The following TSC2 variants were observed in gnomAD, a reference collection of about 807,000 sequenced individuals.
TSC2 encodes tuberin.
Under a neutral mutation model 202.2 loss-of-function variants are expected in TSC2, and 29 were observed. The ratio of observed to expected loss-of-function variants is 0.14; its 90% confidence interval spans 0.11 to 0.20. The LOEUF is 0.20. TSC2 is among the 10% of genes least tolerant of loss of function. The pLI, the probability that TSC2 is intolerant of heterozygous loss-of-function variation, is 1.00. For missense variants in TSC2, 2,429 were observed against 2,420.0 expected (o/e 1.00, Z -0.08); for synonymous variants, 1,349 against 1,044.0 (o/e 1.29, Z -5.63).
rs2090350692 is a variant in TSC2 at position 2,083,247 on chromosome 16, G to A, written c.3884-448G>A. 5 of 461,956 alleles carry A rather than the reference G, an allele frequency of 1.1e-5. No homozygotes were observed. In the Middle Eastern group the frequency reaches 1.6e-3, roughly 149 times the overall value. 28.6% of individuals were successfully genotyped at this position (461,956 alleles called of 1,614,324 possible). ...TCCCCAGCTGTGGGTCTGGCTTGGA[G>A]TTGGAGGGTGAGCCTCTGCTCTTGG... On this transcript the variant is annotated intron_variant, in intron 32 of 41. Coordinates refer to ENST00000219476, the MANE Select transcript of TSC2 (RefSeq NM_000548.5).
In TSC2 at chr16:2,088,398, G is replaced by A. The variant is rs550230895; in HGVS notation, c.5260-48G>A. ...TGTGGGGCGGGTGTGTGGGCAGAGC[G>A]GTTGCCACGCCTCCCAGACTTACTG... On this transcript the variant is annotated intron_variant, in intron 41 of 41. Transcript: ENST00000219476. 7.5e-5 allele frequency: 121 copies of A among 1,612,496 alleles called. No individual in the cohort carries two copies. In the South Asian group the frequency reaches 9.1e-4, roughly 12 times the overall value.
chr16:2,068,165 G>C (rs2087667030), intron 16 of TSC2, among the ~76,000 whole-genome samples: 1 of 152,104 alleles, frequency 6.6e-6, no homozygotes, highest in Admixed American at 6.6e-5. Context: ...TCAGCCTCCT[G>C]AGTAGCTGAG....
chr16:2,064,668 G>A lies in TSC2; in HGVS notation c.1599+241G>A, dbSNP rs1352764678. ...TCACACTCTGGGACAGCTGGGCTGGGCCTCCTGGACCGACGCTGGAGCCCA... is the reference window on the plus strand; with the variant it reads ...TCACACTCTGGGACAGCTGGGCTGGACCTCCTGGACCGACGCTGGAGCCCA... On this transcript the variant is annotated intron_variant, in intron 15 of 41. Transcript: ENST00000219476. 7.9e-6 allele frequency: 5 copies of A among 634,244 alleles called. No homozygotes were observed. In the East Asian group the frequency reaches 8.8e-5, roughly 11 times the overall value. 39.3% of individuals were successfully genotyped at this position (634,244 alleles called of 1,614,324 possible).
rs397515087 is a variant in TSC2, at chr16:2,079,380, C to T, written c.3236C>T (p.Ser1079Leu). Residue 1079 changes from serine to leucine, a missense_variant, in exon 28 of 42, where the codon TCG becomes TTG. Transcript: ENST00000219476. This position sits in a 1 kb window ranked among gnomAD's most constrained non-coding sequence, Gnocchi z 4.6. ...ACAAGCGTGGGAACCGGGACCCGGTCGTTACTAGGCCTGGACTCGGGGGAG... is the reference window on the plus strand; with the variant it reads ...ACAAGCGTGGGAACCGGGACCCGGTTGTTACTAGGCCTGGACTCGGGGGAG... ...VTTSVGTGTR[S>L]LLGLDSGELQ... 5 of 1,612,872 alleles carry T rather than the reference C, an allele frequency of 3.1e-6. No individual in the cohort carries two copies. The highest frequency in any genetic ancestry group is 3.4e-6 in the Non-Finnish European group (4 of 1,180,016).
In TSC2 at chr16:2,073,351, C is replaced by T. The variant is rs1014624975; in HGVS notation, c.2355+368C>T. Among the ~76,000 whole-genome samples, 8 of 152,254 alleles carry T rather than the reference C, an allele frequency of 5.3e-5. 1 individual carries two copies. The highest frequency in any genetic ancestry group is 5.2e-4 in the Admixed American group (8 of 15,290). On this transcript the variant is annotated intron_variant, in intron 21 of 41. Coordinates refer to ENST00000219476, the MANE Select transcript of TSC2 (RefSeq NM_000548.5). ...GCAGGCCAGAGAGTCTGGCTTCTGC[C>T]TCCCTCCACGCCCCATCAGGTGCCG...
chr16:2,056,966 T>TG, intron 8 of TSC2, 139 bp from the exon 9 acceptor site: 1 of 1,369,068 alleles, frequency 7.3e-7, no homozygotes, highest in South Asian at 1.2e-5. Context: ...CTGCTGCCTC[T>TG]GTCTTTGGGA....
intron 16 of TSC2, among the ~76,000 whole-genome samples, chr16:2,068,034 C>T (rs1273272117): frequency 6.6e-6 from 1 of 152,096 alleles, no homozygotes; most frequent in Non-Finnish European, 1.5e-5. Context: ...GTTCTGGCTG[C>T]TTTCATTTCT....
Position 2,048,080 on chromosome 16 carries a change from C to G in TSC2, c.-30+15C>G. 1 of 1,428,138 alleles carries G rather than the reference C, an allele frequency of 7.0e-7. No individual in the cohort carries two copies. Among genetic ancestry groups the G allele is most frequent in the Middle Eastern group, 2.2e-4 (1 of 4,478 alleles). 88.5% of individuals were successfully genotyped at this position (1,428,138 alleles called of 1,614,324 possible). A position where few individuals can be genotyped will look rare whatever the true frequency, so the allele number is the denominator to read the frequency against. On this transcript the variant is annotated intron_variant, in intron 1 of 41. Coordinates refer to ENST00000219476, the MANE Select transcript of TSC2 (RefSeq NM_000548.5). Reference sequence around the variant, plus strand: ...CGCGGCGCGGGGTAAGTGGCGGTCCCCACGGGGCAAGTGGCGGTCCCCACG... The same window carrying G: ...CGCGGCGCGGGGTAAGTGGCGGTCCGCACGGGGCAAGTGGCGGTCCCCACG...
intron 25 of TSC2, 70 bp downstream of exon 25, chr16:2,076,655 A>G: frequency 1.3e-6 from 2 of 1,526,298 alleles, no homozygotes; most frequent in Admixed American, 3.4e-5. Flanking sequence ...GGCCTGCCTG[A>G]CGGTGCCTCC....
intron 16 of TSC2, among the ~76,000 whole-genome samples, 186 bp from the exon 17 acceptor site, chr16:2,070,270 C>T (rs1210106851): frequency 1.3e-5 from 2 of 152,174 alleles, no homozygotes; most frequent in Admixed American, 6.5e-5. Flanking sequence ...GAGATGGGCA[C>T]GAGGTTGGGT....
intron 33 of TSC2, 105 bp downstream of exon 33, chr16:2,083,921 TGGG>T (rs1384499096): frequency 1.4e-6 from 2 of 1,477,454 alleles, no homozygotes; most frequent in Non-Finnish European, 1.8e-6. Context: ...GCTCTGAACT[TGGG>T]GGAGATGTTC....
rs149801950 is a variant in TSC2 at position 2,075,674 on chromosome 16, C to A, written c.2546-125C>A. ...AGGCCAGGGTCGGGAAAGCCACGTC[C>A]GTGTGGCCGTGGCCTTCTCTCCTCT... On this transcript the variant is annotated intron_variant, in intron 22 of 41. Transcript: ENST00000219476. The A allele has an allele frequency of 6.6e-5, 66 of 997,026 alleles. No individual in the cohort carries two copies. In the East Asian group the frequency reaches 1.1e-3, roughly 17 times the overall value. 61.8% of individuals were successfully genotyped at this position (997,026 alleles called of 1,614,324 possible).
chr16:2,080,490 T>TG (rs1260553508), intron 30 of TSC2, 113 bp downstream of exon 30: 1 of 1,314,066 alleles, frequency 7.6e-7, no homozygotes, highest in African/African-American at 1.6e-5. Flanking sequence ...GGGTAACTTT[T>TG]GTTTTTTTTT....
chr16:2,087,465 T>C (rs1424052908), intron 38 of TSC2, among the ~76,000 whole-genome samples: 1 of 127,610 alleles, frequency 7.8e-6, no homozygotes, highest in Non-Finnish European at 1.6e-5. Context: ...TGGGCTCTGC[T>C]AGATGCCAAG....
In TSC2 at chr16:2,062,615, G is replaced by A. The variant is rs1252164517; in HGVS notation, c.1361+15G>A. The A allele has an allele frequency of 1.3e-6, 2 of 1,594,822 alleles. No individual in the cohort carries two copies. Among genetic ancestry groups the A allele is most frequent in the Admixed American group, 1.7e-5 (1 of 57,834 alleles). The stretch of plus-strand genomic sequence containing the variant: ...AGATTCTTCAGGTAGGGGGTCCTCT[G>A]TAGCCTTGCCTGGCACCTGGAGCCT... On this transcript the variant is annotated intron_variant, in intron 13 of 41. Coordinates refer to ENST00000219476, the MANE Select transcript of TSC2 (RefSeq NM_000548.5).
At chr16:2,083,943 C>G (rs982702432) in intron 33 of TSC2, 127 bp downstream of exon 33, 1 of 1,429,212 alleles carries the variant, frequency 7.0e-7, no homozygotes, top group Non-Finnish European at 9.3e-7. Context: ...TCTTCCACAT[C>G]CCTCGTGCAC....
Position 2,084,445 on chromosome 16 carries a change from G to A in TSC2, c.4223G>A (p.Gly1408Asp), listed in dbSNP as rs202068995. The A allele has an allele frequency of 6.2e-7, 1 of 1,609,028 alleles. No individual in the cohort carries two copies. Among genetic ancestry groups the A allele is most frequent in the Non-Finnish European group, 8.5e-7 (1 of 1,178,536 alleles). ...LGDPGDKADV[G>D]RLSPEVKARS... ...GACCCTGGGGACAAGGCCGACGTGG[G>A]CCGGCTGAGCCCTGAGGTTAAGGCC... The change falls in exon 34 of 42, where the codon GGC becomes GAC. Residue 1408 changes from glycine (G) to aspartate (D), a missense_variant. By Grantham distance (94) the Gly-to-Asp change is moderately conservative. Transcript: ENST00000219476.
rs1043550238 is a variant in TSC2 at position 2,089,308 on chromosome 16, G to A, written c.*698G>A. 3.4e-5 allele frequency: 9 copies of A among 262,946 alleles called. No individual in the cohort carries two copies. Among genetic ancestry groups the A allele is most frequent in the African/African-American group, 1.6e-4 (7 of 45,076 alleles). 16.3% of individuals were successfully genotyped at this position (262,946 alleles called of 1,614,324 possible). A position where few individuals can be genotyped will look rare whatever the true frequency, so the allele number is the denominator to read the frequency against. ...GACACGAGACACACAGTGAGACGGT[G>A]CAGGGAGTACGGTAGGAACTGGAGA... On this transcript the variant is annotated 3_prime_UTR_variant, in exon 42 of 42. Transcript: ENST00000219476.
chr16:2,048,899 C>G (rs1306846981), intron 2 of TSC2, 146 bp downstream of exon 2: 3 of 1,189,496 alleles, frequency 2.5e-6, no homozygotes, highest in South Asian at 1.3e-5. Context: ...GCCGACATGT[C>G]CTTCCTCAGG....
Sources: gnomAD v4.1 joint callset for allele counts (sites outside exome capture counted in the v4.1 genomes callset) on GRCh38, gnomAD v4.1.1 for gene constraint, Gnocchi (gnomAD v3.1) non-coding constraint, MANE v1.5 for transcripts, NCBI Gene and HGNC (gene_info 2026-07-23, HGNC 2026-07-21) for gene names.